The following PHF8 variants were observed in gnomAD, a reference collection of about 807,000 sequenced individuals.
PHF8 encodes PHD finger protein 8.
Under a neutral mutation model 74.4 loss-of-function variants are expected in PHF8, and 9 were observed. The observed-to-expected ratio is 0.12, with a 90% CI of 0.07 to 0.21. The LOEUF (loss-of-function observed/expected upper bound fraction) is 0.21. Among genes scored for constraint, PHF8 ranks in the 10% least tolerant of loss-of-function variants. PHF8 has a pLI of 1.00. For missense variants in PHF8, 478 were observed against 816.6 expected, an observed-to-expected ratio of 0.59 and a Z score of 5.05; for synonymous variants, 311 against 316.6, an observed-to-expected ratio of 0.98 and a Z score of 0.19.
At chrX:54,045,184 G>A (rs897009381), upstream of PHF8, 13 of 270,108 alleles carry the variant, frequency 4.8e-5, no homozygotes, top group African/African-American at 2.8e-4. Flanking sequence ...GGATTTGTTT[G>A]CACCTGTCCC....
In PHF8 at chrX:53,937,763, G is replaced by A; in HGVS notation, c.*1395C>T. The A allele has an allele frequency of 2.6e-6, 1 of 383,159 alleles. No homozygotes were observed. The highest frequency in any genetic ancestry group is 4.4e-5 in the Admixed American group (1 of 22,951). 31.6% of individuals were successfully genotyped at this position (383,159 alleles called of 1,213,427 possible). On this transcript the variant is annotated 3_prime_UTR_variant, in exon 22 of 22. Transcript: ENST00000338154. ...GCTATTAAATTCCCCAGAAGCATTG[G>A]GCAAGCTGGGGTGAGGTTGGAGTGG...
intron 2 of PHF8, among the ~76,000 whole-genome samples, chrX:54,033,262 T>C (rs1557113067): frequency 9.0e-6 from 1 of 111,586 alleles, no homozygotes; most frequent in African/African-American, 3.3e-5. Context: ...TTATTTGTCA[T>C]ACCAAGAACA....
chrX:54,039,913 A>G (rs1557115419), intron 2 of PHF8: 1 of 112,336 alleles, frequency 8.9e-6, no homozygotes, highest in Non-Finnish European at 1.9e-5. Context: ...TTTATAACGC[A>G]ATCCCATCTT....
At chrX:54,036,598 A>AC (rs2066462770) in intron 2 of PHF8, among the ~76,000 whole-genome samples, 2 of 104,731 alleles carry the variant, frequency 1.9e-5, no homozygotes, top group African/African-American at 7.1e-5. Context: ...AAAAAAAAAA[A>AC]AACTTTTTTT....
Position 53,938,964 on chromosome X carries a change from G to A in PHF8, c.*194C>T. On this transcript the variant is annotated 3_prime_UTR_variant, in exon 22 of 22. Transcript: ENST00000338154. ...GCTCCTCAGTGGAGAAGGCAGGCAGGATGCTCTAGTGAAAGTGGGGAAGGG... is the reference window on the plus strand; with the variant it reads ...GCTCCTCAGTGGAGAAGGCAGGCAGAATGCTCTAGTGAAAGTGGGGAAGGG... 1 of 1,005,262 alleles carries A rather than the reference G, an allele frequency of 9.9e-7. No individual in the cohort carries two copies. The highest frequency in any genetic ancestry group is 1.3e-6 in the Non-Finnish European group (1 of 794,724). 82.8% of individuals were successfully genotyped at this position (1,005,262 alleles called of 1,213,427 possible). A position where few individuals can be genotyped will look rare whatever the true frequency, so the allele number is the denominator to read the frequency against.
intron 8 of PHF8, among the ~76,000 whole-genome samples, chrX:54,004,881 G>A (rs929723397): frequency 8.4e-5 from 9 of 107,598 alleles, no homozygotes; most frequent in African/African-American, 2.7e-4. Flanking sequence ...TTGAGATCAC[G>A]CCACTGCACT....
chrX:53,943,344 T>G (rs782732334), intron 20 of PHF8: 8 of 843,589 alleles, frequency 9.5e-6, no homozygotes, highest in Non-Finnish European at 1.4e-5. Flanking sequence ...TTGAGTTGTC[T>G]CCTCCATTTA....
At chrX:53,967,414 GCGCC>G (rs2065223583) in intron 18 of PHF8, among the ~76,000 whole-genome samples, 1 of 105,344 alleles carries the variant, frequency 9.5e-6, no homozygotes, top group African/African-American at 3.5e-5. Flanking sequence ...GAGGTGAGGG[GCGCC>G]TCTGCCCGGC....
chrX:53,950,771 A>G (rs2064910857), intron 19 of PHF8, among the ~76,000 whole-genome samples: 1 of 112,752 alleles, frequency 8.9e-6, no homozygotes, highest in Non-Finnish European at 1.9e-5. Context: ...TAAACAAAAC[A>G]CAACTACAAC....
intron 2 of PHF8, among the ~76,000 whole-genome samples, chrX:54,037,239 T>TTTTG (rs1332009082): frequency 9.0e-6 from 1 of 111,242 alleles, no homozygotes; most frequent in Non-Finnish European, 1.9e-5. Context: ...GACAAATTTT[T>TTTTG]TTTGTTTGTT....
chrX:53,982,833 C>G (rs782736607), intron 18 of PHF8, among the ~76,000 whole-genome samples: 1 of 112,439 alleles, frequency 8.9e-6, no homozygotes, highest in Non-Finnish European at 1.9e-5. Flanking sequence ...AACTCCTATA[C>G]AAGTTTTAGG....
At chrX:53,967,528 C>CG (rs1281714706) in intron 18 of PHF8, among the ~76,000 whole-genome samples, 1 of 109,442 alleles carries the variant, frequency 9.1e-6, no homozygotes, top group Non-Finnish European at 1.9e-5. Context: ...CCGCCCCGTC[C>CG]GGGAGGTGAG....
chrX:54,007,821 T>C (rs1484010824), intron 8 of PHF8, among the ~76,000 whole-genome samples: 1 of 112,202 alleles, frequency 8.9e-6, no homozygotes, highest in Non-Finnish European at 1.9e-5. Flanking sequence ...ATGGTACATG[T>C]AGCTGCTTTG....
chrX:53,940,431 T>C lies in PHF8; in HGVS notation c.2735A>G (p.Asn912Ser). ...EVEQPRPQDS[N>S]LSLTVPAPTV... Reference sequence around the variant, plus strand: ...GGGGGCTGGTACTGTCAGACTGAGATTGGAGTCTTGAGGGCGAGGCTGTTC... The same window carrying C: ...GGGGGCTGGTACTGTCAGACTGAGACTGGAGTCTTGAGGGCGAGGCTGTTC... The change falls in exon 21 of 22, where the codon AAT becomes AGT. Residue 912 changes from asparagine to serine, a missense_variant. Coordinates refer to ENST00000338154, the MANE Select transcript of PHF8 (RefSeq NM_015107.3). 8.3e-7 allele frequency: 1 copy of C among 1,208,447 alleles called. No individual in the cohort carries two copies. The highest frequency in any genetic ancestry group is 1.8e-5 in the South Asian group (1 of 56,762).
At chrX:53,991,337 G>T (rs2065656566) in intron 14 of PHF8, among the ~76,000 whole-genome samples, 1 of 111,691 alleles carries the variant, frequency 9.0e-6, no homozygotes, top group African/African-American at 3.3e-5. Flanking sequence ...CTTCCCTATT[G>T]TACTTTCCAG....
intron 2 of PHF8, among the ~76,000 whole-genome samples, chrX:54,041,729 G>A (rs931325467): frequency 1.8e-5 from 2 of 112,602 alleles, no homozygotes; most frequent in Non-Finnish European, 3.7e-5. Flanking sequence ...TAGTTGGATG[G>A]TGCTGCAGAT....
chrX:54,020,253 G>A (rs887477879), intron 4 of PHF8, among the ~76,000 whole-genome samples: 12 of 111,907 alleles, frequency 1.1e-4, no homozygotes, highest in African/African-American at 3.9e-4. Flanking sequence ...TAGGAAAATC[G>A]GCACCCTCCG....
chrX:53,982,929 C>T (rs1395646423), intron 18 of PHF8, among the ~76,000 whole-genome samples: 5 of 112,253 alleles, frequency 4.5e-5, no homozygotes, highest in Non-Finnish European at 9.4e-5. Flanking sequence ...TGCAGTGGCT[C>T]ACGCCTATAA....
intron 2 of PHF8, among the ~76,000 whole-genome samples, chrX:54,026,918 C>T (rs781914822): frequency 4.5e-5 from 5 of 111,577 alleles, no homozygotes; most frequent in Non-Finnish European, 7.5e-5. Context: ...CCTACTTCTA[C>T]ACTTGATCTT....
Sources: gnomAD v4.1 joint callset for allele counts (sites outside exome capture counted in the v4.1 genomes callset) on GRCh38, gnomAD v4.1.1 for gene constraint, MANE v1.5 for transcripts, NCBI Gene and HGNC (gene_info 2026-07-23, HGNC 2026-07-21) for gene names.